The following COL27A1 variants were observed in gnomAD, a reference collection of about 807,000 sequenced individuals.
COL27A1 encodes collagen type XXVII alpha 1 chain.
COL27A1 carries 106 observed loss-of-function variants against 251.3 expected under a neutral mutation model. That is an observed-to-expected ratio of 0.42 (90% CI 0.36 to 0.50). The LOEUF (loss-of-function observed/expected upper bound fraction) is 0.50, where lower values mean the gene tolerates loss of function less well. COL27A1 is among the 20% of genes least tolerant of loss of function. The probability of loss-of-function intolerance (pLI) is 0.00; values close to 1 mark genes in which losing one functional copy is unlikely to be tolerated. For synonymous variants in COL27A1, 1,000 were observed against 986.3 expected (o/e 1.01, Z -0.26); for missense variants, 2,325 against 2,522.8 (o/e 0.92, Z 1.68).
intron 28 of COL27A1, among the ~76,000 whole-genome samples, chr9:114,259,947 G>T (rs1201861420): frequency 1.3e-5 from 2 of 151,524 alleles, no homozygotes; most frequent in African/African-American, 2.4e-5. Context: ...AGATTAAAAG[G>T]CATTCCTGTG....
intron 1 of COL27A1, among the ~76,000 whole-genome samples, chr9:114,160,311 C>T (rs2808790): frequency 0.13 from 20,471 of 151,964 alleles, 1,671 homozygotes; most frequent in African/African-American, 0.22. Flanking sequence ...CCCGCCACCA[C>T]GCCTGGCTAA....
At chr9:114,179,505 C>G (rs1007920998) in intron 4 of COL27A1, among the ~76,000 whole-genome samples, 1 of 152,210 alleles carries the variant, frequency 6.6e-6, no homozygotes, top group Non-Finnish European at 1.5e-5. Context: ...AACTTGTCCT[C>G]CATTCATGTC....
chr9:114,186,950 C>T (rs955035598), intron 5 of COL27A1, among the ~76,000 whole-genome samples: 5 of 152,182 alleles, frequency 3.3e-5, no homozygotes, highest in Admixed American at 1.3e-4. Context: ...TAGTGCTCCC[C>T]GCCAGTGCTC....
chr9:114,203,543 G>A (rs1290603603), intron 7 of COL27A1, among the ~76,000 whole-genome samples: 1 of 152,134 alleles, frequency 6.6e-6, no homozygotes, highest in East Asian at 1.9e-4. Context: ...AAGAGTACAC[G>A]CCCCAGCTAG....
chr9:114,157,075 A>AACACACACACAC (rs150446535), intron 1 of COL27A1, among the ~76,000 whole-genome samples: 46 of 117,488 alleles, frequency 3.9e-4, no homozygotes, highest in African/African-American at 1.3e-3. Flanking sequence ...CCCTCACCAC[A>AACACACACACAC]ACACACACAC....
At position 114,282,503 on chromosome 9, in the gene COL27A1, G is replaced by A; in HGVS notation, c.3818G>A (p.Gly1273Glu). The change falls in exon 39 of 61, where the codon GGA becomes GAA. Residue 1273 changes from glycine (G) to glutamate (E), a missense_variant. By Grantham distance (98) the Gly-to-Glu change is moderately conservative (BLOSUM62 -2). Transcript: ENST00000356083. The stretch of plus-strand genomic sequence containing the variant: ...CAGCTGGGTGAGATGGGCGTCCCTG[G>A]AGACCCTGGACCCCCTGGCACTCCA... ...QGQLGEMGVPGDPGPPGTPGP... is the reference protein window; with the variant it reads ...QGQLGEMGVPEDPGPPGTPGP... The A allele has an allele frequency of 6.3e-7, 1 of 1,584,954 alleles. No individual in the cohort carries two copies.
At chr9:114,205,673 T>C in intron 8 of COL27A1, 86 bp from the exon 9 acceptor site, 1 of 1,222,864 alleles carries the variant, frequency 8.2e-7, no homozygotes, top group South Asian at 1.2e-5. Context: ...CTTTATTCAT[T>C]GTCAGCCCCA....
At chr9:114,252,545 C>T in intron 25 of COL27A1, 48 bp from the exon 26 acceptor site, 1 of 1,570,070 alleles carries the variant, frequency 6.4e-7, no homozygotes, top group Non-Finnish European at 8.8e-7. Flanking sequence ...CACAGAGCCA[C>T]CCCACAGCCA....
At position 114,216,489 on chromosome 9, in the gene COL27A1, G is replaced by A. The variant is rs577429105; in HGVS notation, c.2368-3302G>A. On this transcript the variant is annotated intron_variant, in intron 12 of 60. Coordinates refer to ENST00000356083, the MANE Select transcript of COL27A1 (RefSeq NM_032888.4). Reference sequence around the variant, plus strand: ...ACCCTAAGACCCAGGGAGCTCTGGGGTGACTGCTGGAAATGGCTCTGCCAC... The same window carrying A: ...ACCCTAAGACCCAGGGAGCTCTGGGATGACTGCTGGAAATGGCTCTGCCAC... Among the ~76,000 whole-genome samples the A allele has an allele frequency of 2.5e-4, 38 of 152,350 alleles. 2 individuals are homozygous for A. In the South Asian group the frequency reaches 7.9e-3, roughly 32 times the overall value.
intron 41 of COL27A1, among the ~76,000 whole-genome samples, chr9:114,287,427 G>A (rs772934631): frequency 4.6e-5 from 7 of 152,092 alleles, no homozygotes; most frequent in Non-Finnish European, 8.8e-5. Context: ...GAAAGGTGGC[G>A]TCTACACCTG....
At chr9:114,175,697 G>A (rs1435009650) in intron 3 of COL27A1, among the ~76,000 whole-genome samples, 1 of 152,148 alleles carries the variant, frequency 6.6e-6, no homozygotes, top group Non-Finnish European at 1.5e-5. Flanking sequence ...CCTATTTCTG[G>A]GGCAGAAGAC....
intron 14 of COL27A1, 65 bp downstream of exon 14, chr9:114,222,332 TG>T: frequency 6.7e-7 from 1 of 1,483,010 alleles, no homozygotes; most frequent in Non-Finnish European, 9.4e-7. Flanking sequence ...AGCCAGCGTG[TG>T]GGGAGCCAGG....
At chr9:114,173,787 T>G (rs1849495279) in intron 3 of COL27A1, among the ~76,000 whole-genome samples, 1 of 151,940 alleles carries the variant, frequency 6.6e-6, no homozygotes. Flanking sequence ...ATGGTGGGTG[T>G]TGAGGTGGGG....
At chr9:114,231,661 T>C (rs77310408) in intron 15 of COL27A1, among the ~76,000 whole-genome samples, 161 bp from the exon 16 acceptor site, 2,450 of 152,268 alleles carry the variant, frequency 0.016, 74 homozygotes, top group African/African-American at 0.055. Context: ...GTCCACACCC[T>C]TGCCCTGTGA....
rs533526191 is a variant in COL27A1 at position 114,271,024 on chromosome 9, C to T, written c.3609+243C>T. The T allele has an allele frequency of 1.8e-5, 9 of 505,260 alleles. No individual in the cohort carries two copies. In the East Asian group the frequency reaches 2.5e-4, roughly 14 times the overall value. 31.3% of individuals were successfully genotyped at this position (505,260 alleles called of 1,614,324 possible). Reference sequence around the variant, plus strand: ...CACCACCTTCCAGTCTTTCCTGCTACCCTTCTTAAAATATCAGCTTCTCTT... The same window carrying T: ...CACCACCTTCCAGTCTTTCCTGCTATCCTTCTTAAAATATCAGCTTCTCTT... On this transcript the variant is annotated intron_variant, in intron 36 of 60. Coordinates refer to ENST00000356083, the MANE Select transcript of COL27A1 (RefSeq NM_032888.4).
Position 114,290,219 on chromosome 9 carries a change from C to T in COL27A1, c.4261-5C>T, listed in dbSNP as rs1022357631. On this transcript the variant is annotated splice_polypyrimidine_tract_variant and splice_region_variant and intron_variant, in intron 46 of 60. Coordinates refer to ENST00000356083, the MANE Select transcript of COL27A1 (RefSeq NM_032888.4). This position sits in a 1 kb window ranked among gnomAD's most constrained non-coding sequence, Gnocchi z 4.6. ...GCCCTCACCAGCTTTTTATGTACCC[C>T]CCAGGGCCTGCAGGGGCTGCCAGGG... The T allele has an allele frequency of 1.3e-5, 20 of 1,574,742 alleles. No homozygotes were observed. The African/African-American group carries it at 2.3e-4, about 18-fold the overall frequency.
At position 114,183,058 on chromosome 9, in the gene COL27A1, G is replaced by A. The variant is rs752226709; in HGVS notation, c.1999G>A (p.Gly667Ser). ...PGPYGNPGLP[G>S]PPGAKGQKGD... ...GCCTTATGGAAATCCAGGTCTCCCC[G>A]GCCCTCCTGGAGCCAAAGTGAGTAT... Residue 667 changes from glycine to serine, a missense_variant, in exon 5 of 61, where the codon GGC (glycine) becomes AGC (serine). Gly to Ser is a moderately conservative substitution (Grantham distance 56). This residue lies in a region of COL27A1 where 1,183 missense variants were observed against 1,144.1 expected (regional missense o/e 1.03). Coordinates refer to ENST00000356083, the MANE Select transcript of COL27A1 (RefSeq NM_032888.4). The A allele has an allele frequency of 2.0e-5, 32 of 1,613,222 alleles. No individual in the cohort carries two copies. The highest frequency in any genetic ancestry group is 2.5e-5 in the Non-Finnish European group (29 of 1,179,912).
At chr9:114,190,419 C>T (rs1828675111) in intron 5 of COL27A1, among the ~76,000 whole-genome samples, 1 of 152,172 alleles carries the variant, frequency 6.6e-6, no homozygotes, top group Admixed American at 6.5e-5. Flanking sequence ...TACAGGTGTG[C>T]ACCACCACAC....
chr9:114,288,709 T>G lies in COL27A1; in HGVS notation c.4052T>G (p.Val1351Gly). 1 of 1,610,440 alleles carries G rather than the reference T, an allele frequency of 6.2e-7. No homozygotes were observed. The highest frequency in any genetic ancestry group is 1.1e-5 in the South Asian group (1 of 90,950). ...GTTGTCTTTGTCATTCAGGGCCCTGTGGGTGATCGAGGAGACCGCGGGGAA... is the reference window on the plus strand; with the variant it reads ...GTTGTCTTTGTCATTCAGGGCCCTGGGGGTGATCGAGGAGACCGCGGGGAA... ...PPGPPGDRGP[V>G]GDRGDRGEPG... Residue 1351 changes from valine (V) to glycine (G), a missense_variant, in exon 43 of 61, where the codon GTG becomes GGG. By Grantham distance (109) the Val-to-Gly change is moderately radical. Around this residue, in one of 4 missense-constraint regions of COL27A1, gnomAD observed 662 missense variants for 795.3 expected, o/e 0.83. Coordinates refer to ENST00000356083, the MANE Select transcript of COL27A1 (RefSeq NM_032888.4).
Sources: allele counts gnomAD v4.1 joint callset (sites outside exome capture counted in the v4.1 genomes callset), GRCh38; gene constraint gnomAD v4.1.1; regional missense constraint gnomAD v4.1.1; non-coding constraint Gnocchi (gnomAD v3.1); transcripts MANE v1.5; gene names NCBI Gene and HGNC (gene_info 2026-07-23, HGNC 2026-07-21).